The following ASTN2 variants were observed in gnomAD, a reference collection of about 807,000 sequenced individuals.
The protein encoded by ASTN2 is astrotactin 2.
ASTN2 carries 54 observed loss-of-function variants against 139.8 expected under a neutral mutation model. The observed-to-expected ratio is 0.39, with a 90% CI of 0.31 to 0.48. The LOEUF (loss-of-function observed/expected upper bound fraction) is 0.48. Ranked by LOEUF, ASTN2 falls within the 20% of genes least tolerant of loss-of-function variation. ASTN2 has a pLI of 0.95. For synonymous variants in ASTN2, 756 were observed against 719.5 expected (o/e 1.05, Z -0.81); for missense variants, 1,565 against 1,725.1 (o/e 0.91, Z 1.64).
At chr9:117,267,515 G>T (rs1229500053) in intron 2 of ASTN2, among the ~76,000 whole-genome samples, 2 of 152,168 alleles carry the variant, frequency 1.3e-5, no homozygotes, top group African/African-American at 4.8e-5. Context: ...GTTTATGAAA[G>T]ATATTAACAC....
intron 7 of ASTN2, among the ~76,000 whole-genome samples, chr9:116,986,781 T>C (rs1836695424): frequency 1.3e-5 from 2 of 152,178 alleles, no homozygotes; most frequent in Admixed American, 1.3e-4. Context: ...ATCCAGCAAC[T>C]GTGCTGCTTC....
intron 13 of ASTN2, among the ~76,000 whole-genome samples, chr9:116,785,965 T>C (rs1215712127): frequency 1.3e-5 from 2 of 151,996 alleles, no homozygotes; most frequent in African/African-American, 2.4e-5. Flanking sequence ...CATTTAGGAG[T>C]CCCACAGGAC....
At chr9:117,398,080 GTA>G (rs999230111) in intron 1 of ASTN2, among the ~76,000 whole-genome samples, 14 of 152,048 alleles carry the variant, frequency 9.2e-5, no homozygotes, top group South Asian at 2.1e-4. Context: ...TACATATTAT[GTA>G]TATGTGTGTG....
chr9:117,297,128 C>T (rs947629385), intron 1 of ASTN2, among the ~76,000 whole-genome samples: 2 of 152,238 alleles, frequency 1.3e-5, no homozygotes, highest in African/African-American at 4.8e-5. Flanking sequence ...TTGGTAACAT[C>T]TCCCAAGTGG....
chr9:116,522,281 A>G (rs1850908851), intron 19 of ASTN2, among the ~76,000 whole-genome samples: 1 of 152,176 alleles, frequency 6.6e-6, no homozygotes, highest in African/African-American at 2.4e-5. Context: ...CCATCAATCA[A>G]TAAGTGGATA....
intron 20 of ASTN2, among the ~76,000 whole-genome samples, chr9:116,450,515 C>T (rs1489879039): frequency 6.6e-6 from 1 of 152,188 alleles, no homozygotes; most frequent in Non-Finnish European, 1.5e-5. Flanking sequence ...AAGACCTAGA[C>T]TCCAGTTTGA....
intron 19 of ASTN2, among the ~76,000 whole-genome samples, chr9:116,598,965 G>T (rs1854728542): frequency 6.6e-6 from 1 of 152,148 alleles, no homozygotes; most frequent in Non-Finnish European, 1.5e-5. Context: ...GAATGGCAGG[G>T]GAAAATATTC....
rs964393275 is a variant in ASTN2, at chr9:116,423,295, C to A, written c.*2556G>T. Among the ~76,000 whole-genome samples, 1 of 152,166 alleles carries A rather than the reference C, an allele frequency of 6.6e-6. No individual in the cohort carries two copies. The highest frequency in any genetic ancestry group is 2.4e-5 in the African/African-American group (1 of 41,456). Reference sequence around the variant, plus strand: ...CATGTTAACTCCCTTATCATTCAAGCTGGGAAACAACCCCTTGAGGTGGGA... The same window carrying A: ...CATGTTAACTCCCTTATCATTCAAGATGGGAAACAACCCCTTGAGGTGGGA... On this transcript the variant is annotated 3_prime_UTR_variant, in exon 23 of 23. Coordinates refer to ENST00000313400, the MANE Select transcript of ASTN2 (RefSeq NM_001365068.1).
chr9:116,933,560 G>T (rs1211043333), intron 10 of ASTN2, among the ~76,000 whole-genome samples: 1 of 152,122 alleles, frequency 6.6e-6, no homozygotes, highest in Admixed American at 6.5e-5. Context: ...AGGGGGAAAA[G>T]ATGGAGAGGA....
At chr9:117,249,129 C>A (rs1272797264) in intron 2 of ASTN2, among the ~76,000 whole-genome samples, 1 of 152,186 alleles carries the variant, frequency 6.6e-6, no homozygotes, top group Non-Finnish European at 1.5e-5. Context: ...AAGAACATAG[C>A]TGTGGCTTGA....
At chr9:116,852,976 T>C (rs1382736260) in intron 11 of ASTN2, among the ~76,000 whole-genome samples, 1 of 151,280 alleles carries the variant, frequency 6.6e-6, no homozygotes, top group African/African-American at 2.4e-5. Flanking sequence ...TTGGAAAAGC[T>C]CTAGGAAAAG....
chr9:117,388,314 C>T (rs1324338738), intron 1 of ASTN2, among the ~76,000 whole-genome samples: 6 of 152,188 alleles, frequency 3.9e-5, no homozygotes, highest in Non-Finnish European at 8.8e-5. Context: ...GAACATCAAT[C>T]CAGGTATCAT....
At chr9:116,586,644 G>C (rs1257519608) in intron 19 of ASTN2, among the ~76,000 whole-genome samples, 1 of 152,058 alleles carries the variant, frequency 6.6e-6, no homozygotes, top group African/African-American at 2.4e-5. Context: ...CTATAGGAAG[G>C]GGGAGGGAGG....
chr9:117,242,513 G>A (rs1339952671), intron 2 of ASTN2, among the ~76,000 whole-genome samples: 2 of 152,166 alleles, frequency 1.3e-5, no homozygotes, highest in African/African-American at 2.4e-5. Context: ...ACTGTTAGAA[G>A]AGAAAAGCAT....
intron 19 of ASTN2, among the ~76,000 whole-genome samples, chr9:116,589,073 G>A (rs908844090): frequency 1.3e-5 from 2 of 152,150 alleles, no homozygotes; most frequent in Non-Finnish European, 2.9e-5. Flanking sequence ...TGTCCAACAA[G>A]GATAACTCTC....
chr9:117,334,491 T>G (rs1828812845), intron 1 of ASTN2, among the ~76,000 whole-genome samples: 1 of 152,048 alleles, frequency 6.6e-6, no homozygotes, highest in South Asian at 2.1e-4. Context: ...GGGCTTTTTT[T>G]TTTTTTTTGA....
At chr9:116,437,404 A>T (rs1207603390) in intron 22 of ASTN2, 1 of 471,388 alleles carries the variant, frequency 2.1e-6, no homozygotes, top group Non-Finnish European at 4.4e-6. Context: ...GGAGACTAGA[A>T]AGACCAGAGG....
At chr9:117,294,137 G>A (rs909594851) in intron 1 of ASTN2, among the ~76,000 whole-genome samples, 3 of 152,260 alleles carry the variant, frequency 2.0e-5, no homozygotes, top group African/African-American at 7.2e-5. Context: ...AGTGACTTAA[G>A]TTCACTGGTG....
At chr9:117,357,467 A>G (rs1203739245) in intron 1 of ASTN2, among the ~76,000 whole-genome samples, 1 of 152,022 alleles carries the variant, frequency 6.6e-6, no homozygotes. Flanking sequence ...GAGTGTTTTC[A>G]GCTATGTTCT....
Sources: gnomAD v4.1 joint callset for allele counts (sites outside exome capture counted in the v4.1 genomes callset) on GRCh38, gnomAD v4.1.1 for gene constraint, MANE v1.5 for transcripts, NCBI Gene and HGNC (gene_info 2026-07-23, HGNC 2026-07-21) for gene names.